Variants in PMM1 observed in about 807,000 individuals in gnomAD.
PMM1 encodes brain glucose-1,6-bisphosphatase.
A neutral mutation model predicts 34.0 loss-of-function variants in PMM1; 25 were observed. The observed-to-expected ratio is 0.73, with a 90% CI of 0.54 to 1.03. The LOEUF (loss-of-function observed/expected upper bound fraction) is 1.03, where lower values mean the gene tolerates loss of function less well. PMM1 is among the 50% of genes least tolerant of loss of function. PMM1 has a pLI of 0.00. For synonymous variants in PMM1, 134 were observed against 143.9 expected, an observed-to-expected ratio of 0.93 and a Z score of 0.49; for missense variants, 321 against 350.1, an observed-to-expected ratio of 0.92 and a Z score of 0.66.
At chr22:41,589,347 C>T (rs547600694) in intron 1 of PMM1, 1 of 431,842 alleles carries the variant, frequency 2.3e-6, no homozygotes, top group African/African-American at 2.0e-5. Context: ...ACTGGTGTGT[C>T]GTAGGGCTGA....
rs573922717 is a variant in PMM1, at chr22:41,589,414, G to C, written c.87+305C>G. On this transcript the variant is annotated intron_variant, in intron 1 of 7. Coordinates refer to ENST00000216259, the MANE Select transcript of PMM1 (RefSeq NM_002676.3). ...GGGCGTCCGTGAGCCAGGCCTTAGC[G>C]GCGTGTGACAGCCTCCGGGGAGGGA... is the stretch of plus-strand genomic sequence containing the variant. 1.7e-3 allele frequency: 832 copies of C among 501,936 alleles called. 2 individuals are homozygous for C. Among genetic ancestry groups the C allele is most frequent in the Non-Finnish European group, 2.6e-3 (726 of 274,004 alleles). The allele number at this position is 501,936 out of a possible 1,614,324, so 31.1% of individuals were successfully genotyped here.
At chr22:41,586,517 A>G in intron 1 of PMM1, 2 of 276,182 alleles carry the variant, frequency 7.2e-6, no homozygotes, top group South Asian at 9.0e-5. Context: ...GCTGGAGTGC[A>G]GTGGTGTGAT....
chr22:41,589,166 G>T, intron 1 of PMM1: 1 of 1,280,644 alleles, frequency 7.8e-7, no homozygotes, highest in Non-Finnish European at 1.0e-6. Context: ...CTCCACGACT[G>T]GGGGTGGAAG....
At chr22:41,588,892 AC>A (rs2067344925) in intron 1 of PMM1, 6 of 973,188 alleles carry the variant, frequency 6.2e-6, no homozygotes, top group Non-Finnish European at 7.3e-6. Context: ...AGGGTGGGTT[AC>A]CCACAGGGAG....
At chr22:41,586,292 T>G (rs1159621481) in intron 1 of PMM1, 99 bp from the exon 2 acceptor site, 2 of 1,570,424 alleles carry the variant, frequency 1.3e-6, no homozygotes, top group East Asian at 4.6e-5. Flanking sequence ...AAGCCCACAT[T>G]CTACCTGGAT....
intron 1 of PMM1, 103 bp downstream of exon 1, chr22:41,589,616 G>A: frequency 9.9e-7 from 1 of 1,006,476 alleles, no homozygotes; most frequent in Non-Finnish European, 1.5e-6. Context: ...TCCCACACTC[G>A]GTCCCCGGGT....
In PMM1 at chr22:41,586,461, G is replaced by GA. The variant is rs34565108; in HGVS notation, c.88-269dup. On this transcript the variant is annotated intron_variant, in intron 1 of 7. Transcript: ENST00000216259. The stretch of plus-strand genomic sequence containing the variant: ...CAGCAAAGGAAGACATTGTCTCTAT[G>GA]AAAAAAAAAATTTTTTTGGAGACGA... 8,678 of 473,480 alleles carry GA rather than the reference G, an allele frequency of 0.018. 1,016 individuals are homozygous for GA. In the East Asian group the frequency reaches 0.32, roughly 17 times the overall value. 29.3% of individuals were successfully genotyped at this position (473,480 alleles called of 1,614,324 possible).
At position 41,577,429 on chromosome 22, in the gene PMM1, G is replaced by A. The variant is rs767712400; in HGVS notation, c.678C>T (p.Asp226=). The change falls in exon 8 of 8, where the codon GAC becomes GAT. Residue 226 remains aspartate (D), a synonymous_variant. Coordinates refer to ENST00000216259, the MANE Select transcript of PMM1 (RefSeq NM_002676.3). ...FGNETSPGGN[D]FEIFADPRTV... ...TCCGGGGGTCGGCAAAGATCTCAAAGTCGTTCCCACCCTGCACACAGAGGA... is the reference window on the plus strand; with the variant it reads ...TCCGGGGGTCGGCAAAGATCTCAAAATCGTTCCCACCCTGCACACAGAGGA... 10 of 1,611,256 alleles carry A rather than the reference G, an allele frequency of 6.2e-6. No individual in the cohort carries two copies. The highest frequency in any genetic ancestry group is 1.1e-5 in the South Asian group (1 of 91,054).
chr22:41,577,053 G>C lies in PMM1; in HGVS notation c.*265C>G, dbSNP rs1273392005. ...CCTGGTGCAGAAAGAAACCTCTTCT[G>C]TACCGAAATACAAGCAGCAGCTGTG... On this transcript the variant is annotated 3_prime_UTR_variant, in exon 8 of 8. Coordinates refer to ENST00000216259, the MANE Select transcript of PMM1 (RefSeq NM_002676.3). The C allele has an allele frequency of 7.6e-6, 4 of 529,542 alleles. No homozygotes were observed. Among genetic ancestry groups the C allele is most frequent in the Non-Finnish European group, 1.0e-5 (3 of 291,820 alleles). 32.8% of individuals were successfully genotyped at this position (529,542 alleles called of 1,614,324 possible).
At position 41,586,068 on chromosome 22, in the gene PMM1, A is replaced by C; in HGVS notation, c.205+8T>G. Reference sequence around the variant, plus strand: ...CCCCACTCCCTCTACCCCCAGCCTCACTCCTACCTTCATCCCCGTCACCCA... The same window carrying C: ...CCCCACTCCCTCTACCCCCAGCCTCCCTCCTACCTTCATCCCCGTCACCCA... On this transcript the variant is annotated splice_region_variant and intron_variant, in intron 2 of 7. Transcript: ENST00000216259. The C allele has an allele frequency of 6.3e-7, 1 of 1,594,012 alleles. No individual in the cohort carries two copies. The highest frequency in any genetic ancestry group is 1.1e-5 in the South Asian group (1 of 88,586).
At chr22:41,586,470 A>T (rs1193641764) in intron 1 of PMM1, 3 of 455,028 alleles carry the variant, frequency 6.6e-6, no homozygotes, top group East Asian at 9.5e-5. Flanking sequence ...TGAAAAAAAA[A>T]ATTTTTTTGG....
chr22:41,577,993 G>GTTCA, intron 6 of PMM1, 70 bp from the exon 7 acceptor site: 1 of 1,157,194 alleles, frequency 8.6e-7, no homozygotes, highest in Non-Finnish European at 1.3e-6. Flanking sequence ...AGGGCTGCTT[G>GTTCA]TTCATTCATT....
intron 2 of PMM1, 83 bp from the exon 3 acceptor site, chr22:41,584,686 G>T: frequency 2.0e-6 from 2 of 977,356 alleles, no homozygotes; most frequent in Non-Finnish European, 3.1e-6. Flanking sequence ...GAGAGAGGAA[G>T]CCTACACCCT....
chr22:41,586,069 C>T lies in PMM1; in HGVS notation c.205+7G>A, dbSNP rs368015865. 6.2e-7 allele frequency: 1 copy of T among 1,603,706 alleles called. No homozygotes were observed. Among genetic ancestry groups the T allele is most frequent in the Admixed American group, 1.7e-5 (1 of 58,774 alleles). On this transcript the variant is annotated splice_region_variant and intron_variant, in intron 2 of 7. Transcript: ENST00000216259. ...CCCACTCCCTCTACCCCCAGCCTCA[C>T]TCCTACCTTCATCCCCGTCACCCAG...
At chr22:41,581,473 C>T (rs2067246448) in intron 5 of PMM1, among the ~76,000 whole-genome samples, 1 of 152,208 alleles carries the variant, frequency 6.6e-6, no homozygotes, top group African/African-American at 2.4e-5. Context: ...CTGCAACCAA[C>T]TCCCTATGTG....
At position 41,578,969 on chromosome 22, in the gene PMM1, A is replaced by G; in HGVS notation, c.475-88T>C. 2.6e-6 allele frequency: 3 copies of G among 1,149,028 alleles called. No homozygotes were observed. In the East Asian group the frequency reaches 7.2e-5, roughly 28 times the overall value. 71.2% of individuals were successfully genotyped at this position (1,149,028 alleles called of 1,614,324 possible). A position where few individuals can be genotyped will look rare whatever the true frequency, so the allele number is the denominator to read the frequency against. ...GCACACAGTCCACGTGAGCGTGCTG[A>G]GCATTCTAGGTGGGTAGGACCCCCA... On this transcript the variant is annotated intron_variant, in intron 5 of 7. Transcript: ENST00000216259.
At chr22:41,587,723 T>C (rs2067328057) in intron 1 of PMM1, among the ~76,000 whole-genome samples, 2 of 152,158 alleles carry the variant, frequency 1.3e-5, no homozygotes, top group African/African-American at 2.4e-5. Flanking sequence ...TAATATTTGC[T>C]CTGGGCAAAT....
At chr22:41,578,423 G>A (rs1211064419) in intron 6 of PMM1, among the ~76,000 whole-genome samples, 1 of 152,150 alleles carries the variant, frequency 6.6e-6, no homozygotes. Context: ...GCCCAGTTGT[G>A]TCAGGGTCAG....
At chr22:41,587,751 T>C (rs182387703) in intron 1 of PMM1, among the ~76,000 whole-genome samples, 1 of 152,284 alleles carries the variant, frequency 6.6e-6, no homozygotes, top group South Asian at 2.1e-4. Flanking sequence ...GATAAAGGCC[T>C]GGAGGGAAGC....
Sources: gnomAD v4.1 joint callset for allele counts (sites outside exome capture counted in the v4.1 genomes callset) on GRCh38, gnomAD v4.1.1 for gene constraint, MANE v1.5 for transcripts, NCBI Gene and HGNC (gene_info 2026-07-23, HGNC 2026-07-21) for gene names.